The following PRMT8 variants were observed in gnomAD, a reference collection of about 807,000 sequenced individuals.
PRMT8 encodes the protein protein arginine N-methyltransferase 8.
PRMT8 carries 7 observed loss-of-function variants against 47.1 expected under a neutral mutation model. That is an observed-to-expected ratio of 0.15 (90% CI 0.08 to 0.28). PRMT8 has a LOEUF of 0.28. Among genes scored for constraint, PRMT8 ranks in the 10% least tolerant of loss-of-function variants. PRMT8 has a pLI of 1.00. For synonymous variants in PRMT8, 188 were observed against 186.5 expected (o/e 1.01, Z -0.07); for missense variants, 237 against 505.4 (o/e 0.47, Z 5.09).
At chr12:3,506,272 C>A (rs1865622476) in intron 1 of PRMT8, among the ~76,000 whole-genome samples, 1 of 152,142 alleles carries the variant, frequency 6.6e-6, no homozygotes, top group Admixed American at 6.5e-5. Flanking sequence ...ACATGTCTGG[C>A]ACATGGTAAA....
chr12:3,408,774 G>A (rs577290835), intron 1 of PRMT8, among the ~76,000 whole-genome samples: 1 of 152,198 alleles, frequency 6.6e-6, no homozygotes, highest in Non-Finnish European at 1.5e-5. Flanking sequence ...TGGGCAGGCT[G>A]TGGTGGCTCT....
At chr12:3,401,305 A>G (rs1205124980) in intron 1 of PRMT8, among the ~76,000 whole-genome samples, 1 of 152,110 alleles carries the variant, frequency 6.6e-6, no homozygotes, top group Non-Finnish European at 1.5e-5. Flanking sequence ...TCAATAAACT[A>G]GGTATTGAGG....
intron 1 of PRMT8, among the ~76,000 whole-genome samples, chr12:3,405,737 G>T (rs937824199): frequency 6.6e-6 from 1 of 152,362 alleles, no homozygotes; most frequent in Middle Eastern, 3.4e-3. Flanking sequence ...AGGTCATGCT[G>T]ATGCAAGAGG....
intron 1 of PRMT8, among the ~76,000 whole-genome samples, chr12:3,399,747 G>T (rs1440981542): frequency 6.6e-6 from 1 of 152,122 alleles, no homozygotes; most frequent in East Asian, 1.9e-4. Context: ...TTATACTTTG[G>T]ATATTAGTTT....
intron 1 of PRMT8, among the ~76,000 whole-genome samples, chr12:3,511,869 T>C (rs1275263875): frequency 6.6e-6 from 1 of 152,226 alleles, no homozygotes; most frequent in Non-Finnish European, 1.5e-5. Context: ...TTCTTTGGCT[T>C]CCTAAGTGTG....
chr12:3,544,736 G>A (rs973688455), intron 2 of PRMT8, among the ~76,000 whole-genome samples: 15 of 152,180 alleles, frequency 9.9e-5, no homozygotes, highest in African/African-American at 3.6e-4. Flanking sequence ...TTTGTCCCCA[G>A]CAAGATACCA....
Position 3,554,918 on chromosome 12 carries a change from T to G in PRMT8, c.481+1204T>G, listed in dbSNP as rs117580996. ...GGTGCCTGCTGCCCTGTCACCCCTC[T>G]GGGTCTGACCTGAGTCCCCAGGCCC... On this transcript the variant is annotated intron_variant, in intron 4 of 9. Coordinates refer to ENST00000382622, the MANE Select transcript of PRMT8 (RefSeq NM_019854.5). Among the ~76,000 whole-genome samples, 73 of 152,302 alleles carry G rather than the reference T, an allele frequency of 4.8e-4. No homozygotes were observed. In the East Asian group the frequency reaches 0.014, roughly 29 times the overall value.
intron 1 of PRMT8, among the ~76,000 whole-genome samples, chr12:3,425,720 G>A (rs1388342698): frequency 1.3e-5 from 2 of 152,234 alleles, no homozygotes; most frequent in African/African-American, 4.8e-5. Flanking sequence ...TGTGAGTGTC[G>A]AAAGGCGAGC....
rs148666223 is a variant in PRMT8 at position 3,538,291 on chromosome 12, G to C, written c.76-2315G>C. ...ACAAACCTTATTCCAGCATCTATCA[G>C]AGACAATAAGGGTCTTAGAATCTAG... On this transcript the variant is annotated intron_variant, in intron 1 of 9. Coordinates refer to ENST00000382622, the MANE Select transcript of PRMT8 (RefSeq NM_019854.5). The surrounding 1 kb of genome is among the most constrained non-coding windows in gnomAD (Gnocchi z 4.6). 4.9e-5 allele frequency: 9 copies of C among 184,276 alleles called. No homozygotes were observed. Among genetic ancestry groups the C allele is most frequent in the Middle Eastern group, 2.3e-3 (1 of 436 alleles). 11.4% of individuals were successfully genotyped at this position (184,276 alleles called of 1,614,324 possible). A position where few individuals can be genotyped will look rare whatever the true frequency, so the allele number is the denominator to read the frequency against.
intron 1 of PRMT8, among the ~76,000 whole-genome samples, chr12:3,519,087 A>G (rs1865838404): frequency 6.6e-6 from 1 of 152,166 alleles, no homozygotes; most frequent in Non-Finnish European, 1.5e-5. Context: ...AATAGAAGTG[A>G]CTGCTAAATC....
intron 1 of PRMT8, among the ~76,000 whole-genome samples, chr12:3,519,457 G>T (rs1430150493): frequency 4.6e-5 from 7 of 152,196 alleles, no homozygotes; most frequent in African/African-American, 1.4e-4. Flanking sequence ...ACTGAGGCGG[G>T]ACAGGGCCCA....
chr12:3,496,874 C>G (rs1476727445), intron 1 of PRMT8, among the ~76,000 whole-genome samples: 1 of 151,408 alleles, frequency 6.6e-6, no homozygotes, highest in Non-Finnish European at 1.5e-5. Context: ...ACACTGATTT[C>G]AGTCCTTAAG....
chr12:3,447,540 C>T (rs899186908), intron 1 of PRMT8, among the ~76,000 whole-genome samples: 21 of 152,132 alleles, frequency 1.4e-4, no homozygotes, highest in African/African-American at 4.6e-4. Context: ...TCCTTCAAGA[C>T]GCAGCACAGA....
chr12:3,381,729 T>C (rs1478750950), intron 1 of PRMT8, among the ~76,000 whole-genome samples: 1 of 152,182 alleles, frequency 6.6e-6, no homozygotes, highest in African/African-American at 2.4e-5. Flanking sequence ...CTGCTTACCC[T>C]TTACCCAGTT....
At chr12:3,484,500 TA>T (rs1175601146) in intron 1 of PRMT8, among the ~76,000 whole-genome samples, 2 of 152,224 alleles carry the variant, frequency 1.3e-5, no homozygotes, top group Non-Finnish European at 2.9e-5. Flanking sequence ...TACGGTCTTT[TA>T]GGACGAGCTG....
At chr12:3,408,025 A>G (rs1864389845) in intron 1 of PRMT8, among the ~76,000 whole-genome samples, 1 of 151,818 alleles carries the variant, frequency 6.6e-6, no homozygotes, top group African/African-American at 2.4e-5. Flanking sequence ...TCTCACTCAG[A>G]TCATGAATTG....
chr12:3,476,370 C>T (rs1041959338), intron 1 of PRMT8, among the ~76,000 whole-genome samples: 3 of 152,178 alleles, frequency 2.0e-5, no homozygotes, highest in African/African-American at 4.8e-5. Context: ...CTGCTGGTCT[C>T]AGACAGACCA....
chr12:3,448,924 TC>T (rs1864888109), intron 1 of PRMT8, among the ~76,000 whole-genome samples: 2 of 152,116 alleles, frequency 1.3e-5, no homozygotes, highest in Non-Finnish European at 2.9e-5. Flanking sequence ...TGTGTGCTAT[TC>T]CCCTCCCTGT....
At position 3,393,524 on chromosome 12, in the gene PRMT8, A is replaced by AG. The variant is rs1461603151; in HGVS notation, c.48+12083dup. Among the ~76,000 whole-genome samples, 9 of 152,224 alleles carry AG rather than the reference A, an allele frequency of 5.9e-5. No homozygotes were observed. In the South Asian group the frequency reaches 1.5e-3, roughly 25 times the overall value. On this transcript the variant is annotated intron_variant, in intron 1 of 9. Transcript: ENST00000452611. ...GGTTTGTCAAAGATCAGATAGTTGTAGACATGTGGTGTTATTTCTGAGGGC... is the reference window on the plus strand; with the variant it reads ...GGTTTGTCAAAGATCAGATAGTTGTAGGACATGTGGTGTTATTTCTGAGGGC...
Sources: gnomAD v4.1 joint callset for allele counts (sites outside exome capture counted in the v4.1 genomes callset) on GRCh38, gnomAD v4.1.1 for gene constraint, Gnocchi (gnomAD v3.1) non-coding constraint, MANE v1.5 for transcripts, NCBI Gene and HGNC (gene_info 2026-07-23, HGNC 2026-07-21) for gene names.